The following ZNF704 variants were observed in gnomAD, a reference collection of about 807,000 sequenced individuals.
ZNF704 encodes the protein zinc finger protein 704, also known as glucocorticoid induced gene 1.
Under a neutral mutation model 44.7 loss-of-function variants are expected in ZNF704, and 10 were observed. The ratio of observed to expected loss-of-function variants is 0.22; its 90% CI spans 0.14 to 0.38. The LOEUF (loss-of-function observed/expected upper bound fraction) is 0.38, where lower values mean the gene tolerates loss of function less well. Ranked by LOEUF, ZNF704 falls within the 10% of genes least tolerant of loss-of-function variation. The probability of loss-of-function intolerance (pLI) is 1.00; values close to 1 mark genes in which losing one functional copy is unlikely to be tolerated. For missense variants in ZNF704, 390 were observed against 545.5 expected (o/e 0.71, Z 2.84); for synonymous variants, 211 against 207.6 (o/e 1.02, Z -0.14).
chr8:80,696,511 G>A (rs538531841), intron 2 of ZNF704, among the ~76,000 whole-genome samples: 28 of 152,186 alleles, frequency 1.8e-4, no homozygotes, highest in Admixed American at 1.2e-3. Flanking sequence ...TCCACCTCCC[G>A]GGTTCAAGCG....
chr8:80,732,324 G>C (rs1806594943), intron 2 of ZNF704, among the ~76,000 whole-genome samples: 1 of 152,174 alleles, frequency 6.6e-6, no homozygotes, highest in Admixed American at 6.5e-5. Context: ...ATAGTAGCCA[G>C]CTACCAAGGG....
At chr8:80,709,975 T>G (rs1818959668) in intron 2 of ZNF704, among the ~76,000 whole-genome samples, 1 of 152,220 alleles carries the variant, frequency 6.6e-6, no homozygotes, top group Non-Finnish European at 1.5e-5. Flanking sequence ...GGATCTCATA[T>G]CTTTCAAACA....
intron 2 of ZNF704, among the ~76,000 whole-genome samples, chr8:80,796,308 T>A (rs1807799672): frequency 6.6e-6 from 1 of 152,184 alleles, no homozygotes; most frequent in Non-Finnish European, 1.5e-5. Context: ...TCTCTCTTCC[T>A]CACCTTATAA....
intron 2 of ZNF704, among the ~76,000 whole-genome samples, chr8:80,809,295 C>A (rs1808045304): frequency 6.6e-6 from 1 of 152,082 alleles, no homozygotes; most frequent in Non-Finnish European, 1.5e-5. Context: ...GACTTCATTT[C>A]AAAAACAAAA....
intron 2 of ZNF704, among the ~76,000 whole-genome samples, chr8:80,753,579 G>A (rs892292381): frequency 1.3e-5 from 2 of 152,108 alleles, no homozygotes; most frequent in Non-Finnish European, 2.9e-5. Flanking sequence ...TTCAAAAGCA[G>A]TGAACACTGG....
intron 2 of ZNF704, among the ~76,000 whole-genome samples, chr8:80,746,729 T>A (rs1013425746): frequency 1.1e-4 from 17 of 152,120 alleles, no homozygotes; most frequent in Admixed American, 8.5e-4. Context: ...TCAGGACCCA[T>A]TGTTACGGGC....
At chr8:80,674,842 T>C (rs969671071) in intron 4 of ZNF704, among the ~76,000 whole-genome samples, 10 of 152,224 alleles carry the variant, frequency 6.6e-5, no homozygotes, top group African/African-American at 1.7e-4. Context: ...TGAAGCTATA[T>C]TGTAGAAAAT....
At chr8:80,783,873 C>A (rs939851100) in intron 2 of ZNF704, among the ~76,000 whole-genome samples, 3 of 152,102 alleles carry the variant, frequency 2.0e-5, no homozygotes, top group African/African-American at 4.8e-5. Context: ...CCTCTGTGTT[C>A]TCTCTACTCA....
intron 7 of ZNF704, among the ~76,000 whole-genome samples, chr8:80,650,487 G>GAA (rs1163631652): frequency 6.6e-6 from 1 of 152,192 alleles, no homozygotes; most frequent in Non-Finnish European, 1.5e-5. Context: ...TGTTGGAACT[G>GAA]AAAACCAAGG....
chr8:80,769,137 T>A (rs1807277049), intron 2 of ZNF704, among the ~76,000 whole-genome samples: 1 of 152,188 alleles, frequency 6.6e-6, no homozygotes, highest in Admixed American at 6.5e-5. Flanking sequence ...AAGAACTCTA[T>A]TAGCAAATGA....
chr8:80,840,308 T>C (rs1471389711), intron 1 of ZNF704, among the ~76,000 whole-genome samples: 5 of 152,254 alleles, frequency 3.3e-5, no homozygotes, highest in African/African-American at 9.6e-5. Flanking sequence ...TGAAATTGTG[T>C]GCGTGTGTGT....
At chr8:80,800,937 C>T (rs1011412033) in intron 2 of ZNF704, among the ~76,000 whole-genome samples, 3 of 152,082 alleles carry the variant, frequency 2.0e-5, no homozygotes, top group African/African-American at 4.8e-5. Flanking sequence ...CAAAGACACA[C>T]ATAGGCTCAA....
chr8:80,804,520 T>C (rs1807954665), intron 2 of ZNF704, among the ~76,000 whole-genome samples: 2 of 152,204 alleles, frequency 1.3e-5, no homozygotes, highest in South Asian at 4.1e-4. Context: ...TTATGTCCTT[T>C]GCAGGGACAT....
chr8:80,740,252 T>C (rs1806734320), intron 2 of ZNF704, among the ~76,000 whole-genome samples: 1 of 152,164 alleles, frequency 6.6e-6, no homozygotes, highest in African/African-American at 2.4e-5. Context: ...CAGGGGCCAT[T>C]ATACACCTGA....
chr8:80,773,830 T>A lies in ZNF704; in HGVS notation c.221+47544A>T, dbSNP rs143517254. On this transcript the variant is annotated intron_variant, in intron 2 of 8. Transcript: ENST00000327835. ...ATTTTTTCATTTGTTTCAACCATGTTCCTAATTGTTCATTGAAGCATTTTT... is the reference window on the plus strand; with the variant it reads ...ATTTTTTCATTTGTTTCAACCATGTACCTAATTGTTCATTGAAGCATTTTT... Among the ~76,000 whole-genome samples, 286 of 152,318 alleles carry A rather than the reference T, an allele frequency of 1.9e-3. 1 individual carries two copies. The highest frequency in any genetic ancestry group is 3.1e-3 in the Non-Finnish European group (213 of 68,022).
intron 2 of ZNF704, chr8:80,749,686 C>G (rs1806908298): frequency 6.5e-6 from 1 of 153,142 alleles, no homozygotes; most frequent in South Asian, 2.1e-4. Flanking sequence ...ATGACAGAAG[C>G]CCTTTTTTCC....
intron 2 of ZNF704, among the ~76,000 whole-genome samples, chr8:80,805,992 C>T (rs1055062795): frequency 6.6e-6 from 1 of 152,146 alleles, no homozygotes; most frequent in Non-Finnish European, 1.5e-5. Flanking sequence ...CAAAAACAAG[C>T]GTACTCCTCA....
At chr8:80,748,033 T>C (rs970869139) in intron 2 of ZNF704, among the ~76,000 whole-genome samples, 7 of 152,174 alleles carry the variant, frequency 4.6e-5, no homozygotes, top group African/African-American at 1.7e-4. Flanking sequence ...CACTTCATTT[T>C]CCTCTTGGGA....
chr8:80,631,534 T>C lies in ZNF704; in HGVS notation c.*9832A>G, dbSNP rs1031352143. 5.9e-5 allele frequency: 9 copies of C among 152,394 alleles called. No individual in the cohort carries two copies. Among genetic ancestry groups the C allele is most frequent in the African/African-American group, 2.2e-4 (9 of 41,584 alleles). The allele number at this position is 152,394 out of a possible 1,614,324, so 9.4% of individuals were successfully genotyped here. The stretch of plus-strand genomic sequence containing the variant: ...TGGAGTAATTAAACATGGAGCCCTC[T>C]TGCTCTGTCCTCATTGTCCCCTCCT... On this transcript the variant is annotated 3_prime_UTR_variant, in exon 9 of 9. Transcript: ENST00000327835.
Sources: allele counts gnomAD v4.1 joint callset (sites outside exome capture counted in the v4.1 genomes callset), GRCh38; gene constraint gnomAD v4.1.1; transcripts MANE v1.5; gene names NCBI Gene and HGNC (gene_info 2026-07-23, HGNC 2026-07-21).